Variants in ELF1 observed in about 807,000 individuals in gnomAD.
ELF1 encodes the protein E74 like ETS transcription factor 1.
ELF1 carries 24 observed loss-of-function variants against 59.9 expected under a neutral mutation model. The observed-to-expected ratio is 0.40, with a 90% confidence interval of 0.29 to 0.56. The LOEUF (loss-of-function observed/expected upper bound fraction) is 0.56, where lower values mean the gene tolerates loss of function less well. Ranked by LOEUF, ELF1 falls within the 20% of genes least tolerant of loss-of-function variation. ELF1 has a pLI of 0.44. For synonymous variants in ELF1, 248 were observed against 266.2 expected (o/e 0.93, Z 0.67); for missense variants, 627 against 742.2 (o/e 0.84, Z 1.80).
chr13:40,995,755 A>C (rs1874098020), intron 1 of ELF1, among the ~76,000 whole-genome samples: 1 of 152,146 alleles, frequency 6.6e-6, no homozygotes, highest in Admixed American at 6.5e-5. Context: ...AATAGGAAAC[A>C]ATAAAACTCC....
At chr13:41,036,584 C>G (rs1876390364) in intron 1 of ELF1, among the ~76,000 whole-genome samples, 1 of 152,166 alleles carries the variant, frequency 6.6e-6, no homozygotes, top group African/African-American at 2.4e-5. Flanking sequence ...TACCATTTGA[C>G]CCAGCCATCC....
chr13:41,060,424 G>A (rs1877486657), intron 1 of ELF1, among the ~76,000 whole-genome samples: 1 of 152,184 alleles, frequency 6.6e-6, no homozygotes, highest in Admixed American at 6.5e-5. Context: ...TCACCTCCCG[G>A]GCGTCTGGAA....
At chr13:40,954,528 G>A (rs1387788846) in intron 3 of ELF1, among the ~76,000 whole-genome samples, 3 of 151,232 alleles carry the variant, frequency 2.0e-5, no homozygotes, top group African/African-American at 4.9e-5. Flanking sequence ...CTGCCATCTC[G>A]GCTCACTGCA....
At chr13:41,031,062 C>G (rs1399408830) in intron 1 of ELF1, among the ~76,000 whole-genome samples, 1 of 150,248 alleles carries the variant, frequency 6.7e-6, no homozygotes, top group Non-Finnish European at 1.5e-5. Context: ...ACTCAAGTGG[C>G]TAAGGTGGGA....
chr13:41,000,237 C>CTTTTTTTTTTTTTTTTTTTTTTTTTT, intron 1 of ELF1, among the ~76,000 whole-genome samples: 1 of 54,722 alleles, frequency 1.8e-5, no homozygotes, highest in Non-Finnish European at 3.1e-5. Context: ...TTGAACCTGG[C>CTTTTTTTTTTTTTTTTTTTTTTTTTT]TTTTTTTTTT....
At chr13:40,976,246 T>C (rs932543492) in intron 2 of ELF1, among the ~76,000 whole-genome samples, 9 of 152,196 alleles carry the variant, frequency 5.9e-5, no homozygotes, top group Non-Finnish European at 1.3e-4. Flanking sequence ...TAACCATAAA[T>C]TAAGATGTTT....
At chr13:40,991,523 C>T (rs1824788159) in intron 1 of ELF1, among the ~76,000 whole-genome samples, 2 of 152,124 alleles carry the variant, frequency 1.3e-5, no homozygotes, top group Admixed American at 6.5e-5. Flanking sequence ...GTGATTCTCT[C>T]GCCTTAGTCT....
intron 4 of ELF1, among the ~76,000 whole-genome samples, chr13:40,950,197 G>C (rs1870765133): frequency 4.6e-5 from 7 of 152,118 alleles, no homozygotes. Context: ...CCTATCACCA[G>C]TCTGTCTCAT....
intron 1 of ELF1, among the ~76,000 whole-genome samples, chr13:41,011,882 T>G (rs1875085512): frequency 6.6e-6 from 1 of 151,968 alleles, no homozygotes; most frequent in South Asian, 2.1e-4. Flanking sequence ...TGCATCTCAG[T>G]GCCCCTGGCT....
intron 2 of ELF1, among the ~76,000 whole-genome samples, chr13:40,961,020 C>T (rs1243427899): frequency 6.6e-6 from 1 of 152,112 alleles, no homozygotes; most frequent in Non-Finnish European, 1.5e-5. Context: ...GATAATAATG[C>T]CAGGCACCTT....
At chr13:40,972,320 G>A (rs188634400) in intron 2 of ELF1, among the ~76,000 whole-genome samples, 1 of 152,210 alleles carries the variant, frequency 6.6e-6, no homozygotes, top group East Asian at 1.9e-4. Context: ...AAACTATGTC[G>A]AAACAAATGT....
chr13:41,030,900 C>A (rs1026945958), intron 1 of ELF1, among the ~76,000 whole-genome samples: 1 of 151,744 alleles, frequency 6.6e-6, no homozygotes, highest in Non-Finnish European at 1.5e-5. Context: ...GTGGCTCACG[C>A]CTATAATCCT....
At chr13:40,983,395 G>A (rs1376221156) in intron 1 of ELF1, among the ~76,000 whole-genome samples, 1 of 152,214 alleles carries the variant, frequency 6.6e-6, no homozygotes, top group African/African-American at 2.4e-5. Context: ...CAGCTAGTAT[G>A]TGTCAGCCAA....
At chr13:40,972,177 T>C (rs1299864479) in intron 2 of ELF1, among the ~76,000 whole-genome samples, 1 of 152,088 alleles carries the variant, frequency 6.6e-6, no homozygotes, top group Non-Finnish European at 1.5e-5. Context: ...AAGAATAAAA[T>C]GAGGTAAGGC....
intron 5 of ELF1, 108 bp downstream of exon 5, chr13:40,949,697 TC>T: frequency 7.5e-7 from 1 of 1,338,618 alleles, no homozygotes; most frequent in Non-Finnish European, 1.0e-6. Flanking sequence ...TCAATGTTTT[TC>T]TTACATAAGT....
At chr13:41,033,999 T>A (rs1309741396) in intron 1 of ELF1, among the ~76,000 whole-genome samples, 1 of 152,094 alleles carries the variant, frequency 6.6e-6, no homozygotes, top group Non-Finnish European at 1.5e-5. Context: ...AACTTAGACA[T>A]GTCAAAATTC....
chr13:40,978,388 C>T (rs866701055), intron 2 of ELF1, among the ~76,000 whole-genome samples: 38 of 145,806 alleles, frequency 2.6e-4, no homozygotes, highest in African/African-American at 9.6e-4. Context: ...AAAAAAAAAA[C>T]AAAAAAGAAA....
chr13:40,973,195 C>A (rs976985085), intron 2 of ELF1, among the ~76,000 whole-genome samples: 1 of 152,188 alleles, frequency 6.6e-6, no homozygotes, highest in Non-Finnish European at 1.5e-5. Flanking sequence ...ATCTTCGCAT[C>A]ATCCTGCTGA....
intron 1 of ELF1, among the ~76,000 whole-genome samples, chr13:40,988,507 T>C (rs1210954133): frequency 2.0e-5 from 3 of 152,242 alleles, no homozygotes; most frequent in Non-Finnish European, 4.4e-5. Context: ...TCAATTAAAA[T>C]GCTTTTATAT....
Sources: allele counts gnomAD v4.1 joint callset (sites outside exome capture counted in the v4.1 genomes callset), GRCh38; gene constraint gnomAD v4.1.1; transcripts MANE v1.5; gene names NCBI Gene and HGNC (gene_info 2026-07-23, HGNC 2026-07-21).